RIT2: variants seen among roughly 807,000 people sequenced by gnomAD.
The protein encoded by RIT2 is GTP-binding protein Rit2.
A neutral mutation model predicts 23.7 loss-of-function variants in RIT2; 24 were observed. That is an observed-to-expected ratio of 1.01 (90% CI 0.73 to 1.43). RIT2 has a LOEUF of 1.43. Ranked by LOEUF, RIT2 falls within the 40% of genes most tolerant of loss-of-function variation. The pLI, the probability that RIT2 is intolerant of heterozygous loss-of-function variation, is 0.00. For synonymous variants in RIT2, 107 were observed against 91.1 expected, an observed-to-expected ratio of 1.17 and a Z score of -0.99; for missense variants, 236 against 266.9, an observed-to-expected ratio of 0.88 and a Z score of 0.81.
At chr18:42,985,725 C>T (rs1910693391) in intron 2 of RIT2, among the ~76,000 whole-genome samples, 1 of 151,860 alleles carries the variant, frequency 6.6e-6, no homozygotes, top group East Asian at 1.9e-4. Flanking sequence ...TGCTACCATA[C>T]ACTATATACA....
chr18:43,088,388 T>C (rs1313503211), intron 1 of RIT2, among the ~76,000 whole-genome samples: 2 of 152,150 alleles, frequency 1.3e-5, no homozygotes, highest in Non-Finnish European at 2.9e-5. Flanking sequence ...GATAGTTTAG[T>C]AAAAACTTGA....
At chr18:42,918,245 T>C (rs1486152505) in intron 4 of RIT2, among the ~76,000 whole-genome samples, 2 of 152,132 alleles carry the variant, frequency 1.3e-5, no homozygotes, top group Non-Finnish European at 2.9e-5. Flanking sequence ...CGAAAACATA[T>C]ATGTGTAAGC....
chr18:42,810,584 G>T (rs900271345), intron 4 of RIT2, among the ~76,000 whole-genome samples: 1 of 151,844 alleles, frequency 6.6e-6, no homozygotes, highest in African/African-American at 2.4e-5. Flanking sequence ...GCTATTCTCT[G>T]CAATGACCAG....
At chr18:42,929,164 T>C (rs1004265601) in intron 3 of RIT2, among the ~76,000 whole-genome samples, 11 of 151,056 alleles carry the variant, frequency 7.3e-5, no homozygotes, top group Admixed American at 4.6e-4. Flanking sequence ...CAAGCTACAA[T>C]GAAAACATGA....
At chr18:42,810,067 T>C (rs561210752) in intron 4 of RIT2, among the ~76,000 whole-genome samples, 5 of 147,346 alleles carry the variant, frequency 3.4e-5, no homozygotes, top group Non-Finnish European at 7.5e-5. Flanking sequence ...GTTATATATA[T>C]GTTATACATA....
At chr18:42,830,857 C>A (rs543039271) in intron 4 of RIT2, among the ~76,000 whole-genome samples, 1 of 152,122 alleles carries the variant, frequency 6.6e-6, no homozygotes, top group Non-Finnish European at 1.5e-5. Flanking sequence ...TGAATCAAGG[C>A]TGATCAAGGT....
Position 42,869,860 on chromosome 18 carries a change from G to A in RIT2, c.426+53712C>T, listed in dbSNP as rs568713196. ...ACAAGTCATGAGGGAAAGCTTAAAG[G>A]ATAATGTTCTTGGACCTTAATAAAG... On this transcript the variant is annotated intron_variant, in intron 4 of 4. Coordinates refer to ENST00000326695, the MANE Select transcript of RIT2 (RefSeq NM_002930.4). Among the ~76,000 whole-genome samples the A allele has an allele frequency of 7.9e-4, 120 of 152,116 alleles. 1 individual carries two copies. Among genetic ancestry groups the A allele is most frequent in the Non-Finnish European group, 1.5e-3 (100 of 68,020 alleles).
chr18:42,770,410 T>C (rs1193022960), intron 4 of RIT2, among the ~76,000 whole-genome samples: 2 of 152,192 alleles, frequency 1.3e-5, no homozygotes, highest in African/African-American at 4.8e-5. Flanking sequence ...AGAAAGTTGA[T>C]GGAACAGGAA....
rs563068536 is a variant in RIT2 at position 42,856,588 on chromosome 18, A to G, written c.426+66984T>C. Among the ~76,000 whole-genome samples the G allele has an allele frequency of 3.9e-5, 6 of 151,910 alleles. No individual in the cohort carries two copies. In the South Asian group the frequency reaches 1.3e-3, roughly 32 times the overall value. ...AAGGCCAAGGGGAACTATGACCCCT[A>G]TAGTGATATCAAGAGGAACACAAGA... On this transcript the variant is annotated intron_variant, in intron 4 of 4. Transcript: ENST00000326695.
intron 4 of RIT2, among the ~76,000 whole-genome samples, chr18:42,897,937 T>C (rs915021521): frequency 3.3e-5 from 5 of 152,114 alleles, no homozygotes; most frequent in Admixed American, 1.3e-4. Flanking sequence ...AACCAAAGAT[T>C]GTATGGTTAA....
chr18:42,798,946 T>C (rs1905447811), intron 4 of RIT2, among the ~76,000 whole-genome samples: 1 of 152,240 alleles, frequency 6.6e-6, no homozygotes, highest in Non-Finnish European at 1.5e-5. Context: ...CACAGGTCTT[T>C]AATCATAATC....
intron 4 of RIT2, among the ~76,000 whole-genome samples, chr18:42,799,825 A>G (rs533948761): frequency 2.6e-5 from 4 of 152,282 alleles, no homozygotes; most frequent in African/African-American, 9.6e-5. Context: ...TCTTTTGACA[A>G]TCAGGTCTCA....
chr18:42,887,005 G>T lies in RIT2; in HGVS notation c.426+36567C>A, dbSNP rs187662505. Among the ~76,000 whole-genome samples, 29 of 152,172 alleles carry T rather than the reference G, an allele frequency of 1.9e-4. No homozygotes were observed. The East Asian group carries it at 3.5e-3, about 18-fold the overall frequency. ...ATACAATAGAAATTGGAAAGCCAAG[G>T]TCCCCCAAAATTATGAGGTGGACAG... On this transcript the variant is annotated intron_variant, in intron 4 of 4. Coordinates refer to ENST00000326695, the MANE Select transcript of RIT2 (RefSeq NM_002930.4).
intron 3 of RIT2, among the ~76,000 whole-genome samples, chr18:42,942,759 C>A (rs1909634884): frequency 6.6e-6 from 1 of 151,998 alleles, no homozygotes; most frequent in African/African-American, 2.4e-5. Context: ...GCACCCTGAG[C>A]TGTCAGGATA....
intron 2 of RIT2, among the ~76,000 whole-genome samples, chr18:42,998,564 A>G (rs1911037885): frequency 6.6e-6 from 1 of 152,120 alleles, no homozygotes; most frequent in Non-Finnish European, 1.5e-5. Context: ...TTTTTTAAAA[A>G]GATCCCTTGG....
intron 4 of RIT2, among the ~76,000 whole-genome samples, chr18:42,849,557 G>A (rs528817573): frequency 9.2e-5 from 14 of 152,140 alleles, no homozygotes; most frequent in African/African-American, 2.4e-4. Context: ...GGCATATAGT[G>A]AGCACCCAAT....
chr18:43,002,284 C>T (rs1911124572), intron 2 of RIT2, among the ~76,000 whole-genome samples: 1 of 151,908 alleles, frequency 6.6e-6, no homozygotes. Flanking sequence ...CCACTTTCTT[C>T]TGCCTGCTTT....
intron 4 of RIT2, among the ~76,000 whole-genome samples, chr18:42,745,574 AT>A (rs1377034348): frequency 6.6e-6 from 1 of 152,050 alleles, no homozygotes; most frequent in South Asian, 2.1e-4. Flanking sequence ...CTCTTATTTT[AT>A]TTTTTTCATT....
At chr18:43,005,795 G>T (rs1373193126) in intron 2 of RIT2, among the ~76,000 whole-genome samples, 5 of 151,736 alleles carry the variant, frequency 3.3e-5, no homozygotes, top group Non-Finnish European at 7.4e-5. Flanking sequence ...ATGTGTAAGA[G>T]AAAACAGAAA....
Sources: gnomAD v4.1 joint callset for allele counts (sites outside exome capture counted in the v4.1 genomes callset) on GRCh38, gnomAD v4.1.1 for gene constraint, MANE v1.5 for transcripts, NCBI Gene and HGNC (gene_info 2026-07-23, HGNC 2026-07-21) for gene names.